Variants in ACSL6 observed in about 807,000 individuals in gnomAD.
ACSL6 encodes acyl-CoA synthetase long chain family member 6, also known as long-chain-fatty-acid--CoA ligase 6.
Under a neutral mutation model 98.2 loss-of-function variants are expected in ACSL6, and 47 were observed. The observed-to-expected ratio is 0.48, with a 90% CI of 0.38 to 0.61. ACSL6 has a LOEUF of 0.61. Ranked by LOEUF, ACSL6 falls within the 20% of genes least tolerant of loss-of-function variation. The pLI, the probability that ACSL6 is intolerant of heterozygous loss-of-function variation, is 0.00. For missense variants in ACSL6, 761 were observed against 913.4 expected (o/e 0.83, Z 2.15); for synonymous variants, 362 against 336.9 (o/e 1.07, Z -0.82).
intron 9 of ACSL6, chr5:131,983,474 A>G (rs1201329496): frequency 6.6e-6 from 1 of 152,240 alleles, no homozygotes; most frequent in African/African-American, 2.4e-5. Context: ...ATCTTTCCCC[A>G]TGAAAAGAAC....
rs535544603 is a variant in ACSL6 at position 131,956,871 on chromosome 5, A to T, written c.2032-2500T>A. 2.0e-5 allele frequency among the ~76,000 whole-genome samples: 3 copies of T among 152,286 alleles called. No homozygotes were observed. The South Asian group carries it at 6.2e-4, about 32-fold the overall frequency. ...GGAATTTCCATTTTTTAATAAGCAA[A>T]GTTTTTGTTGGGAAAAGAAAAAGGG... On this transcript the variant is annotated intron_variant, in intron 20 of 20. Coordinates refer to ENST00000651883, the MANE Select transcript of ACSL6 (RefSeq NM_001009185.3).
At chr5:131,964,848 C>T (rs894526528) in intron 17 of ACSL6, among the ~76,000 whole-genome samples, 1 of 152,218 alleles carries the variant, frequency 6.6e-6, no homozygotes, top group Non-Finnish European at 1.5e-5. Context: ...ATTACTATCA[C>T]GCCCTGATTG....
At chr5:131,988,928 G>T (rs78563876) in intron 5 of ACSL6, 24 bp from the exon 6 acceptor site, 6 of 1,597,442 alleles carry the variant, frequency 3.8e-6, no homozygotes, top group South Asian at 3.3e-5. Context: ...TGAGGCGGGG[G>T]TGGGGAAGAA....
intron 1 of ACSL6, among the ~76,000 whole-genome samples, chr5:132,007,727 C>A (rs1755491303): frequency 6.6e-6 from 1 of 152,192 alleles, no homozygotes; most frequent in African/African-American, 2.4e-5. Flanking sequence ...TAGTTAATCC[C>A]ATAAAAACAC....
intron 1 of ACSL6, among the ~76,000 whole-genome samples, chr5:132,001,590 A>C (rs1434291641): frequency 6.6e-6 from 1 of 152,160 alleles, no homozygotes; most frequent in Non-Finnish European, 1.5e-5. Flanking sequence ...ATGGTGGCTC[A>C]CCTGCCAAGC....
intron 8 of ACSL6, among the ~76,000 whole-genome samples, chr5:131,986,548 G>A (rs82125): frequency 0.72 from 109,336 of 152,146 alleles, 40,917 homozygotes; most frequent in Non-Finnish European, 0.84. Flanking sequence ...TAGTGAGAAA[G>A]TAAGACTTCC....
chr5:132,000,676 A>G (rs766734923), intron 1 of ACSL6, among the ~76,000 whole-genome samples: 1 of 152,100 alleles, frequency 6.6e-6, no homozygotes, highest in Non-Finnish European at 1.5e-5. Context: ...AGTAAAAGAC[A>G]AGTCTAGGCC....
At chr5:131,994,514 C>T (rs1194212407) in intron 1 of ACSL6, 2 of 472,100 alleles carry the variant, frequency 4.2e-6, no homozygotes, top group Non-Finnish European at 7.7e-6. Context: ...TGGGCCATGG[C>T]TGACAGCTGC....
chr5:131,959,553 G>C lies in ACSL6; in HGVS notation c.2014C>G (p.Leu672Val). Residue 672 changes from leucine (L) to valine (V), a missense_variant, in exon 20 of 21, where the codon CTC (leucine) becomes GTC (valine). Transcript: ENST00000651883. Reference protein sequence around the residue: ...DMVRLGKESGLHSFEQVKAIH... With the variant: ...DMVRLGKESGVHSFEQVKAIH... ...ACAGTTACCTGCTCAAAAGAATGGA[G>C]TCCACTTTCTTTTCCTAACCTCACC... 1 of 1,614,156 alleles carries C rather than the reference G, an allele frequency of 6.2e-7. No homozygotes were observed.
At chr5:131,958,290 A>G (rs1021541284) in intron 20 of ACSL6, among the ~76,000 whole-genome samples, 2 of 152,272 alleles carry the variant, frequency 1.3e-5, no homozygotes, top group Non-Finnish European at 2.9e-5. Context: ...AGCCCTTCAA[A>G]TCCACGTAGG....
At chr5:132,009,873 G>T (rs1755617059) in intron 1 of ACSL6, among the ~76,000 whole-genome samples, 1 of 152,128 alleles carries the variant, frequency 6.6e-6, no homozygotes, top group Non-Finnish European at 1.5e-5. Flanking sequence ...GCAGCCCCTA[G>T]ACACCTCCCT....
At chr5:131,954,503 G>A (rs1752297254) in intron 20 of ACSL6, 132 bp from the exon 21 acceptor site, 2 of 995,874 alleles carry the variant, frequency 2.0e-6, no homozygotes, top group Non-Finnish European at 1.4e-6. Flanking sequence ...TCAAAATTAT[G>A]TTGAGAACAT....
At position 131,986,922 on chromosome 5, in the gene ACSL6, C is replaced by T. The variant is rs112909405; in HGVS notation, c.832-68G>A. 3.1e-5 allele frequency: 48 copies of T among 1,562,608 alleles called. 1 individual carries two copies. In the African/African-American group the frequency reaches 3.9e-4, roughly 13 times the overall value. Reference sequence around the variant, plus strand: ...TCTCTCTCTCTTTCTGTCCCTCTGTCTCTGTCTCTTTCTCTCACACACGCA... The same window carrying T: ...TCTCTCTCTCTTTCTGTCCCTCTGTTTCTGTCTCTTTCTCTCACACACGCA... On this transcript the variant is annotated intron_variant, in intron 7 of 20. Transcript: ENST00000651883.
intron 9 of ACSL6, among the ~76,000 whole-genome samples, chr5:131,978,532 C>A (rs577321738): frequency 6.6e-6 from 1 of 152,158 alleles, no homozygotes; most frequent in East Asian, 1.9e-4. Flanking sequence ...CCTTACCAAG[C>A]CTGCAGCCAG....
chr5:131,981,322 T>TA (rs56950797), intron 9 of ACSL6, among the ~76,000 whole-genome samples: 2,863 of 95,074 alleles, frequency 0.03, 58 homozygotes, highest in African/African-American at 0.07. Context: ...AGTCAACTAT[T>TA]AAAAAAAAAA....
intron 10 of ACSL6, chr5:131,975,346 T>A: frequency 1.0e-6 from 1 of 985,324 alleles, no homozygotes; most frequent in Non-Finnish European, 1.2e-6. Context: ...TCACTTGCAG[T>A]CAGTCGGCTC....
intron 20 of ACSL6, among the ~76,000 whole-genome samples, chr5:131,954,833 G>A (rs548870458): frequency 9.9e-5 from 15 of 152,258 alleles, no homozygotes; most frequent in Non-Finnish European, 1.3e-4. Flanking sequence ...ACCAGCAAAC[G>A]GGGAAAAGTG....
At chr5:131,981,238 C>T (rs1333959707) in intron 9 of ACSL6, among the ~76,000 whole-genome samples, 1 of 150,896 alleles carries the variant, frequency 6.6e-6, no homozygotes, top group Non-Finnish European at 1.5e-5. Context: ...TCAGGATCTC[C>T]AGAAGAGCAA....
At chr5:132,011,763 G>A (rs1755751047), upstream of ACSL6, 2 of 1,328,704 alleles carry the variant, frequency 1.5e-6, no homozygotes, top group Non-Finnish European at 1.9e-6. This position sits in a 1 kb window ranked among gnomAD's most constrained non-coding sequence, Gnocchi z 5.4. Flanking sequence ...TCGCAACCGA[G>A]CCTTACTCCC....
Sources: gnomAD v4.1 joint callset for allele counts (sites outside exome capture counted in the v4.1 genomes callset) on GRCh38, gnomAD v4.1.1 for gene constraint, Gnocchi (gnomAD v3.1) non-coding constraint, MANE v1.5 for transcripts, NCBI Gene and HGNC (gene_info 2026-07-23, HGNC 2026-07-21) for gene names.